The following SLC6A4 variants were observed in gnomAD, a reference collection of about 807,000 sequenced individuals.
SLC6A4 encodes sodium-dependent serotonin transporter.
SLC6A4 carries 22 observed loss-of-function variants against 73.4 expected under a neutral mutation model. The observed-to-expected ratio is 0.30, with a 90% confidence interval of 0.21 to 0.43. SLC6A4 has a LOEUF of 0.43. SLC6A4 is among the 20% of genes least tolerant of loss of function. The pLI is 1.00. For synonymous variants in SLC6A4, 270 were observed against 315.5 expected (o/e 0.86, Z 1.53); for missense variants, 593 against 808.5 (o/e 0.73, Z 3.23).
rs1372699212 is a variant in SLC6A4 at position 30,211,233 on chromosome 17, G to T, written c.1317+79C>A. 7.4e-6 allele frequency: 7 copies of T among 941,202 alleles called. No homozygotes were observed. Among genetic ancestry groups the T allele is most frequent in the Non-Finnish European group, 1.2e-5 (7 of 593,744 alleles). The allele number at this position is 941,202 out of a possible 1,614,324, so 58.3% of individuals were successfully genotyped here. On this transcript the variant is annotated intron_variant, in intron 10 of 14. Transcript: ENST00000650711. This position sits in a 1 kb window ranked among gnomAD's most constrained non-coding sequence, Gnocchi z 4.0. ...AGCTGCCTGGGATGGCCAGGGATGG[G>T]AGGGAATTGAGTCCAGCTGAGTCCT...
chr17:30,202,418 C>T (rs768704272), intron 14 of SLC6A4, among the ~76,000 whole-genome samples: 1 of 152,150 alleles, frequency 6.6e-6, no homozygotes, highest in Non-Finnish European at 1.5e-5. Context: ...AGCCACTGTG[C>T]CCAGCCGGAA....
intron 1 of SLC6A4, among the ~76,000 whole-genome samples, chr17:30,233,307 C>T (rs1015008021): frequency 2.6e-5 from 4 of 152,282 alleles, no homozygotes; most frequent in East Asian, 1.9e-4. Flanking sequence ...CTATTTCTAC[C>T]GCACCACACC....
intron 1 of SLC6A4, among the ~76,000 whole-genome samples, chr17:30,230,104 A>G (rs201522207): frequency 3.1e-3 from 373 of 119,810 alleles, no homozygotes; most frequent in African/African-American, 8.6e-3. Flanking sequence ...AAGAGGAGGA[A>G]GAGGAAGAGG....
chr17:30,200,535 G>A (rs975204045), intron 14 of SLC6A4, among the ~76,000 whole-genome samples: 1 of 152,166 alleles, frequency 6.6e-6, no homozygotes, highest in African/African-American at 2.4e-5. Context: ...CCAGTAAGCG[G>A]TGGCTCACTC....
intron 1 of SLC6A4, among the ~76,000 whole-genome samples, chr17:30,234,995 T>C (rs1416789191): frequency 6.6e-6 from 1 of 152,148 alleles, no homozygotes; most frequent in Non-Finnish European, 1.5e-5. Context: ...GGTTATATCC[T>C]TCAACCACGT....
intron 3 of SLC6A4, among the ~76,000 whole-genome samples, chr17:30,220,190 G>A (rs1351254303): frequency 6.6e-6 from 1 of 152,248 alleles, no homozygotes. Flanking sequence ...GTTAGGTCAC[G>A]GGAGAAGTGA....
intron 1 of SLC6A4, among the ~76,000 whole-genome samples, chr17:30,232,518 G>A (rs1253071757): frequency 6.6e-6 from 1 of 152,202 alleles, no homozygotes; most frequent in Non-Finnish European, 1.5e-5. Flanking sequence ...TGGGATTAAT[G>A]GAGGTCCATC....
At chr17:30,209,974 G>A (rs1906331637) in intron 11 of SLC6A4, among the ~76,000 whole-genome samples, 1 of 151,980 alleles carries the variant, frequency 6.6e-6, no homozygotes, top group South Asian at 2.1e-4. Flanking sequence ...ATGACTCACT[G>A]GGGTTCCACT....
chr17:30,212,059 G>A (rs960327747), intron 9 of SLC6A4, among the ~76,000 whole-genome samples: 4 of 152,140 alleles, frequency 2.6e-5, no homozygotes, highest in African/African-American at 9.7e-5. Flanking sequence ...TCGCCCACTA[G>A]ATGCCATCAT....
At chr17:30,210,727 G>T (rs1192814539) in intron 10 of SLC6A4, 81 bp from the exon 11 acceptor site, 1 of 1,475,074 alleles carries the variant, frequency 6.8e-7, no homozygotes. Context: ...GGAGGGAGGG[G>T]TAAGGTTGCT....
At chr17:30,228,830 C>G (rs1907002894) in intron 1 of SLC6A4, among the ~76,000 whole-genome samples, 1 of 152,204 alleles carries the variant, frequency 6.6e-6, no homozygotes, top group South Asian at 2.1e-4. Context: ...CATTAGTTAT[C>G]CTTTTATATA....
chr17:30,198,534 T>C lies in SLC6A4; in HGVS notation c.1819-4A>G, dbSNP rs751457926. Reference sequence around the variant, plus strand: ...GGGTAATACTTTTAATAATACGCTATTGGGAAGAAAATACAATGTTATAAA... The same window carrying C: ...GGGTAATACTTTTAATAATACGCTACTGGGAAGAAAATACAATGTTATAAA... On this transcript the variant is annotated splice_polypyrimidine_tract_variant and splice_region_variant and intron_variant, in intron 14 of 14. Transcript: ENST00000650711. 1.3e-6 allele frequency: 2 copies of C among 1,538,020 alleles called. No individual in the cohort carries two copies. Among genetic ancestry groups the C allele is most frequent in the Non-Finnish European group, 9.0e-7 (1 of 1,113,944 alleles).
rs1184008519 is a variant in SLC6A4 at position 30,195,909 on chromosome 17, T to A, written c.*2547A>T. 1 of 151,596 alleles carries A rather than the reference T, an allele frequency of 6.6e-6. No individual in the cohort carries two copies. The highest frequency in any genetic ancestry group is 1.9e-4 in the East Asian group (1 of 5,160). The allele number at this position is 151,596 out of a possible 1,614,324, so 9.4% of individuals were successfully genotyped here. A position where few individuals can be genotyped will look rare whatever the true frequency, so the allele number is the denominator to read the frequency against. On this transcript the variant is annotated 3_prime_UTR_variant, in exon 15 of 15. Transcript: ENST00000650711. ...TTGGCTCACTGCAACCTCTGCCTCC[T>A]GGGTTCAAGCAATTCTCCTGCCTCA...
chr17:30,205,725 T>A (rs948295207), intron 13 of SLC6A4, among the ~76,000 whole-genome samples: 6 of 151,978 alleles, frequency 3.9e-5, no homozygotes, highest in Non-Finnish European at 7.4e-5. Flanking sequence ...ACCTCCAGGG[T>A]CTGGGGGAAA....
intron 1 of SLC6A4, among the ~76,000 whole-genome samples, chr17:30,232,156 A>G (rs1430829619): frequency 6.6e-6 from 1 of 152,210 alleles, no homozygotes; most frequent in Non-Finnish European, 1.5e-5. Flanking sequence ...CTGTATACAC[A>G]CAGAAAGGTC....
In SLC6A4 at chr17:30,211,746, T is replaced by G. The variant is rs1398019361; in HGVS notation, c.1205-322A>C. Among the ~76,000 whole-genome samples the G allele has an allele frequency of 6.6e-6, 1 of 152,116 alleles. No homozygotes were observed. Among genetic ancestry groups the G allele is most frequent in the East Asian group, 1.9e-4 (1 of 5,196 alleles). ...ATAAGAGTTTCCACCATATAACAAT[T>G]CCATGGGATTTCTCAGGACCAGGAT... is the stretch of plus-strand genomic sequence containing the variant. On this transcript the variant is annotated intron_variant, in intron 9 of 14. Transcript: ENST00000650711. This position sits in a 1 kb window ranked among gnomAD's most constrained non-coding sequence, Gnocchi z 4.0.
intron 12 of SLC6A4, among the ~76,000 whole-genome samples, chr17:30,208,345 A>G (rs1343657834): frequency 6.6e-6 from 1 of 152,200 alleles, no homozygotes; most frequent in Non-Finnish European, 1.5e-5. Flanking sequence ...TTTTAACCAC[A>G]ATATTGCCCA....
chr17:30,217,248 C>A lies in SLC6A4; in HGVS notation c.755G>T (p.Ser252Ile). The A allele has an allele frequency of 6.2e-7, 1 of 1,614,116 alleles. No homozygotes were observed. The highest frequency in any genetic ancestry group is 8.5e-7 in the Non-Finnish European group (1 of 1,179,950). Residue 252 changes from serine (S) to isoleucine (I), a missense_variant, in exon 6 of 15, where the codon AGC becomes ATC. Physicochemically the swap from Ser to Ile is moderately radical, Grantham distance 142. Transcript: ENST00000650711. Reference protein sequence around the residue: ...SKGLQDLGGISWQLALCIMLI... With the variant: ...SKGLQDLGGIIWQLALCIMLI... ...CATGATGCAGAGGGCCAGCTGCCAG[C>A]TGATGCCCCCCAGGTCCTGGAGCCC... is the stretch of plus-strand genomic sequence containing the variant.
intron 1 of SLC6A4, among the ~76,000 whole-genome samples, chr17:30,231,172 CAAG>C (rs1384095707): frequency 6.6e-6 from 1 of 151,992 alleles, no homozygotes; most frequent in African/African-American, 2.4e-5. Context: ...TGGTTACGTA[CAAG>C]AAGGTCCTTG....
Sources: gnomAD v4.1 joint callset for allele counts (sites outside exome capture counted in the v4.1 genomes callset) on GRCh38, gnomAD v4.1.1 for gene constraint, Gnocchi (gnomAD v3.1) non-coding constraint, MANE v1.5 for transcripts, NCBI Gene and HGNC (gene_info 2026-07-23, HGNC 2026-07-21) for gene names.